SPRED2: variants seen among roughly 807,000 people sequenced by gnomAD.
SPRED2 encodes the protein sprouty related EVH1 domain containing 2.
A neutral mutation model predicts 43.0 loss-of-function variants in SPRED2; 47 were observed. That is an observed-to-expected ratio of 1.09 (90% confidence interval 0.87 to 1.40). The LOEUF (loss-of-function observed/expected upper bound fraction) is 1.40. Among genes scored for constraint, SPRED2 ranks in the 40% most tolerant of loss-of-function variants. SPRED2 has a pLI of 0.00. For missense variants in SPRED2, 561 were observed against 586.4 expected (o/e 0.96, Z 0.45); for synonymous variants, 225 against 225.7 (o/e 1.00, Z 0.03).
chr2:65,315,183 G>A (rs1003185054), intron 5 of SPRED2, among the ~76,000 whole-genome samples: 1 of 145,916 alleles, frequency 6.9e-6, no homozygotes, highest in Non-Finnish European at 1.5e-5. Flanking sequence ...AAGTCCTTTG[G>A]GCATGAAGGT....
In SPRED2 at chr2:65,334,753, T is replaced by A. The variant is rs775731622; in HGVS notation, c.225A>T (p.Val75=). ...KDKLVVLECY[V]RKDLVYTKAN... Reference sequence around the variant, plus strand: ...CTTTGGTGTAGACCAAGTCCTTTCTTACATAGCATTCCAATACCACCTGAA... The same window carrying A: ...CTTTGGTGTAGACCAAGTCCTTTCTAACATAGCATTCCAATACCACCTGAA... Residue 75 remains valine, a synonymous_variant, in exon 3 of 6, where the codon GTA becomes GTT. Coordinates refer to ENST00000356388, the MANE Select transcript of SPRED2 (RefSeq NM_181784.3). 6.2e-7 allele frequency: 1 copy of A among 1,614,212 alleles called. No individual in the cohort carries two copies. The highest frequency in any genetic ancestry group is 2.2e-5 in the East Asian group (1 of 44,888).
At chr2:65,354,926 T>C (rs1320690925) in intron 1 of SPRED2, among the ~76,000 whole-genome samples, 6 of 152,248 alleles carry the variant, frequency 3.9e-5, no homozygotes, top group Non-Finnish European at 7.3e-5. Context: ...CTTGTCAATA[T>C]GTTCTTCTTG....
intron 1 of SPRED2, among the ~76,000 whole-genome samples, chr2:65,348,859 C>A (rs1346225254): frequency 6.6e-6 from 1 of 151,860 alleles, no homozygotes; most frequent in African/African-American, 2.4e-5. Flanking sequence ...TACTTATTTA[C>A]TTATGAACCA....
intron 4 of SPRED2, among the ~76,000 whole-genome samples, chr2:65,322,270 C>CTATA (rs68086040): frequency 1.1e-3 from 39 of 36,450 alleles, no homozygotes; most frequent in Admixed American, 1.4e-3. Flanking sequence ...CTCTCTCTCT[C>CTATA]TATATATATA....
At chr2:65,361,056 T>C (rs956463605) in intron 1 of SPRED2, among the ~76,000 whole-genome samples, 2 of 152,210 alleles carry the variant, frequency 1.3e-5, no homozygotes, top group African/African-American at 4.8e-5. Flanking sequence ...ATTAAAAAAT[T>C]CTTTTAAAAG....
In SPRED2 at chr2:65,311,353, C is replaced by T. The variant is rs961423524; in HGVS notation, c.*2148G>A. 3.0e-6 allele frequency: 3 copies of T among 985,340 alleles called. No individual in the cohort carries two copies. Among genetic ancestry groups the T allele is most frequent in the Non-Finnish European group, 3.6e-6 (3 of 829,798 alleles). 61.0% of individuals were successfully genotyped at this position (985,340 alleles called of 1,614,324 possible). On this transcript the variant is annotated 3_prime_UTR_variant, in exon 6 of 6. Transcript: ENST00000356388. ...GTATACGTGGAGTAAGATCTGCTAG[C>T]GTAACTCTTAAAAGGGTGGAAAAGG...
At chr2:65,308,722 G>A (rs1672991201), downstream of SPRED2, 1 of 323,994 alleles carries the variant, frequency 3.1e-6, no homozygotes, top group Non-Finnish European at 4.4e-6. Context: ...ACTCAGAAAG[G>A]TGAAGTCACT....
intron 1 of SPRED2, among the ~76,000 whole-genome samples, chr2:65,412,146 G>GAAAA (rs113590947): frequency 6.7e-6 from 1 of 149,800 alleles, no homozygotes; most frequent in Non-Finnish European, 1.5e-5. Flanking sequence ...AGAAAAGAAA[G>GAAAA]AAAGAAAAAG....
chr2:65,331,987 T>A lies in SPRED2; in HGVS notation c.438A>T (p.Thr146=). The part of the protein sequence containing the change: ...EAELGDDDVF[T]TATDSSSNSS... ...AAAGCAAAGGACAAAGGAAACTTAC[T>A]GTAAAAACGTCATCATCGCCAAGCT... The change falls in exon 4 of 6, where the codon ACA becomes ACT. Residue 146 remains threonine (T), a splice_region_variant and synonymous_variant. Coordinates refer to ENST00000356388, the MANE Select transcript of SPRED2 (RefSeq NM_181784.3). 6.2e-7 allele frequency: 1 copy of A among 1,605,428 alleles called. No homozygotes were observed. The highest frequency in any genetic ancestry group is 2.2e-5 in the East Asian group (1 of 44,656).
At chr2:65,379,753 C>T (rs950336154) in intron 1 of SPRED2, among the ~76,000 whole-genome samples, 42 of 152,188 alleles carry the variant, frequency 2.8e-4, no homozygotes, top group Non-Finnish European at 1.8e-4. Context: ...CAAGGCACTA[C>T]ACTTTCTCCA....
At chr2:65,362,865 A>AAAAAGAAAAG (rs1449574656) in intron 1 of SPRED2, among the ~76,000 whole-genome samples, 1 of 150,656 alleles carries the variant, frequency 6.6e-6, no homozygotes, top group African/African-American at 2.4e-5. Context: ...TTTCAAAAAA[A>AAAAAGAAAAG]AAAAGAAAAG....
At chr2:65,344,499 C>T (rs1328515346) in intron 2 of SPRED2, 5 of 688,882 alleles carry the variant, frequency 7.3e-6, no homozygotes, top group African/African-American at 5.3e-5. Context: ...TACTTCTAAG[C>T]ATCTCGGATA....
chr2:65,316,486 T>G (rs894717628), intron 5 of SPRED2, among the ~76,000 whole-genome samples: 1 of 152,176 alleles, frequency 6.6e-6, no homozygotes, highest in South Asian at 2.1e-4. Flanking sequence ...ACTTGCCTTG[T>G]GGGGCAGTTT....
intron 1 of SPRED2, among the ~76,000 whole-genome samples, chr2:65,360,142 C>T (rs1347698147): frequency 6.8e-6 from 1 of 146,802 alleles, no homozygotes; most frequent in African/African-American, 2.5e-5. Context: ...CTGCTCAAGA[C>T]AGGACAACCA....
In SPRED2 at chr2:65,386,179, G is replaced by A. The variant is rs371856611; in HGVS notation, c.27-41283C>T. Among the ~76,000 whole-genome samples, 382 of 151,732 alleles carry A rather than the reference G, an allele frequency of 2.5e-3. 2 individuals are homozygous for A. The highest frequency in any genetic ancestry group is 8.9e-3 in the African/African-American group (370 of 41,418). ...GGGTGCCTATAATCCTAGCTACTCG[G>A]GAGGCTGAGGCAGGAGAATCGCTTG... On this transcript the variant is annotated intron_variant, in intron 1 of 5. Coordinates refer to ENST00000356388, the MANE Select transcript of SPRED2 (RefSeq NM_181784.3).
chr2:65,382,473 T>C (rs1219405905), intron 1 of SPRED2, among the ~76,000 whole-genome samples: 1 of 152,110 alleles, frequency 6.6e-6, no homozygotes, highest in Non-Finnish European at 1.5e-5. Flanking sequence ...GCCAGACCAC[T>C]AAGGAGAGGA....
At chr2:65,339,113 GC>G in intron 2 of SPRED2, among the ~76,000 whole-genome samples, 2 of 25,396 alleles carry the variant, frequency 7.9e-5, no homozygotes, top group Non-Finnish European at 6.7e-5. Context: ...GGGGGTCAGC[GC>G]CCCCTCCCGG....
chr2:65,420,209 CAA>C (rs61448407), intron 1 of SPRED2, among the ~76,000 whole-genome samples: 8,926 of 78,382 alleles, frequency 0.11, 148 homozygotes, highest in East Asian at 0.23. Context: ...GACTCTGTCT[CAA>C]AAAAAAAAAA....
chr2:65,334,604 C>T lies in SPRED2; in HGVS notation c.373+1G>A. On this transcript the variant is annotated splice_donor_variant, in intron 3 of 5. Coordinates refer to ENST00000356388, the MANE Select transcript of SPRED2 (RefSeq NM_181784.3). LOFTEE classifies it high-confidence loss of function. ...TAAGAATGCAGCGACAAGTTCAATACCTTCTATAAGGTCTTCGATTGCTTT... is the reference window on the plus strand; with the variant it reads ...TAAGAATGCAGCGACAAGTTCAATATCTTCTATAAGGTCTTCGATTGCTTT... The T allele has an allele frequency of 6.2e-7, 1 of 1,614,064 alleles. No homozygotes were observed. Among genetic ancestry groups the T allele is most frequent in the Non-Finnish European group, 8.5e-7 (1 of 1,179,970 alleles).
Sources: allele counts gnomAD v4.1 joint callset (sites outside exome capture counted in the v4.1 genomes callset), GRCh38; gene constraint gnomAD v4.1.1; transcripts MANE v1.5; gene names NCBI Gene and HGNC (gene_info 2026-07-23, HGNC 2026-07-21).